PLCL2: variants seen among roughly 807,000 people sequenced by gnomAD.
The protein encoded by PLCL2 is phospholipase C like 2.
In PLCL2, 4 loss-of-function variants were observed where a neutral mutation model predicts 79.6. The observed-to-expected ratio is 0.05, with a 90% CI of 0.02 to 0.11. The LOEUF is 0.11. Among genes scored for constraint, PLCL2 ranks in the 10% least tolerant of loss-of-function variants. PLCL2 has a pLI of 1.00. For missense variants in PLCL2, 895 were observed against 1,291.0 expected (o/e 0.69, Z 4.70); for synonymous variants, 484 against 457.7 (o/e 1.06, Z -0.73).
intron 1 of PLCL2, among the ~76,000 whole-genome samples, chr3:16,963,298 C>T (rs533026355): frequency 2.4e-4 from 37 of 152,106 alleles, no homozygotes; most frequent in African/African-American, 8.7e-4. Flanking sequence ...TATACATACA[C>T]ACATATGTTA....
chr3:16,996,731 T>A (rs1308221857), intron 1 of PLCL2, among the ~76,000 whole-genome samples: 2 of 152,190 alleles, frequency 1.3e-5, no homozygotes, highest in Non-Finnish European at 2.9e-5. Flanking sequence ...AACAGATTTA[T>A]CTCCATGTGG....
At chr3:17,022,814 A>G (rs2124901380) in intron 3 of PLCL2, among the ~76,000 whole-genome samples, 1 of 152,336 alleles carries the variant, frequency 6.6e-6, no homozygotes, top group East Asian at 1.9e-4. Flanking sequence ...TCCCAGGTGA[A>G]AAAGAAAATG....
At chr3:17,062,904 G>T (rs924446032) in intron 4 of PLCL2, among the ~76,000 whole-genome samples, 1 of 151,990 alleles carries the variant, frequency 6.6e-6, no homozygotes, top group Admixed American at 6.5e-5. Context: ...AAGCAGCGGC[G>T]GCAGCAGCAA....
At chr3:16,946,950 A>ATTATTT (rs1368093455) in intron 1 of PLCL2, among the ~76,000 whole-genome samples, 5 of 77,000 alleles carry the variant, frequency 6.5e-5, no homozygotes, top group South Asian at 4.9e-4. Flanking sequence ...TTAAAGTTTC[A>ATTATTT]TTCTTTTTTT....
At chr3:16,971,641 A>G (rs1039659453) in intron 1 of PLCL2, among the ~76,000 whole-genome samples, 2 of 152,098 alleles carry the variant, frequency 1.3e-5, no homozygotes, top group African/African-American at 4.8e-5. Context: ...ACCTTGGGCG[A>G]TATGGCCATT....
chr3:16,896,405 T>C (rs1462128312), intron 1 of PLCL2, among the ~76,000 whole-genome samples: 1 of 152,184 alleles, frequency 6.6e-6, no homozygotes, highest in Non-Finnish European at 1.5e-5. Context: ...GGGTGGAAAG[T>C]TGACACATTA....
At chr3:16,888,960 T>A (rs2124913415) in intron 1 of PLCL2, among the ~76,000 whole-genome samples, 1 of 152,334 alleles carries the variant, frequency 6.6e-6, no homozygotes, top group African/African-American at 2.4e-5. Flanking sequence ...ACCACCATCA[T>A]GAAGATATAG....
chr3:16,898,946 C>T (rs1008252668), intron 1 of PLCL2, among the ~76,000 whole-genome samples: 4 of 149,338 alleles, frequency 2.7e-5, no homozygotes, highest in African/African-American at 9.8e-5. Flanking sequence ...GAGGGGGTTG[C>T]GGGGACCCAC....
chr3:16,894,186 T>A (rs917480506), intron 1 of PLCL2, among the ~76,000 whole-genome samples: 5 of 152,244 alleles, frequency 3.3e-5, no homozygotes, highest in African/African-American at 9.6e-5. Flanking sequence ...GTTATTTATA[T>A]GATTTAATGT....
intron 5 of PLCL2, among the ~76,000 whole-genome samples, chr3:17,080,317 A>G (rs2065149992): frequency 6.6e-6 from 1 of 152,182 alleles, no homozygotes; most frequent in Non-Finnish European, 1.5e-5. Context: ...TGACCAAGCT[A>G]GGAGGCCTTC....
intron 3 of PLCL2, among the ~76,000 whole-genome samples, chr3:17,036,606 A>G (rs1224034040): frequency 6.6e-6 from 1 of 152,186 alleles, no homozygotes; most frequent in African/African-American, 2.4e-5. Context: ...ACAAATTCCC[A>G]AGGGCATCTT....
chr3:17,038,246 T>TA (rs1257132689), intron 3 of PLCL2, among the ~76,000 whole-genome samples: 2 of 152,192 alleles, frequency 1.3e-5, no homozygotes, highest in Non-Finnish European at 2.9e-5. Flanking sequence ...AGGCCAGTGA[T>TA]ATAAAATCCA....
Position 16,913,913 on chromosome 3 carries a change from G to C in PLCL2, c.327+28547G>C, listed in dbSNP as rs191817514. On this transcript the variant is annotated intron_variant, in intron 1 of 5. Transcript: ENST00000615277. ...TTCAGATTATCGAAATACAGGGACT[G>C]TAGCATTAATGTAACACCCACTATA... Among the ~76,000 whole-genome samples the C allele has an allele frequency of 1.1e-3, 170 of 152,338 alleles. 1 individual carries two copies. Among genetic ancestry groups the C allele is most frequent in the African/African-American group, 3.4e-3 (142 of 41,576 alleles).
chr3:17,005,659 A>T (rs2064253827), intron 1 of PLCL2, among the ~76,000 whole-genome samples: 1 of 152,186 alleles, frequency 6.6e-6, no homozygotes, highest in Non-Finnish European at 1.5e-5. Context: ...CTTTATCTAA[A>T]ATCATTCCCG....
chr3:16,999,559 A>G (rs1285018216), intron 1 of PLCL2, among the ~76,000 whole-genome samples: 1 of 152,222 alleles, frequency 6.6e-6, no homozygotes, highest in Non-Finnish European at 1.5e-5. Flanking sequence ...TACCATAAAT[A>G]ACATTTGGGG....
intron 2 of PLCL2, 62 bp from the exon 3 acceptor site, chr3:17,014,646 A>G: frequency 4.8e-6 from 6 of 1,250,180 alleles, no homozygotes; most frequent in Non-Finnish European, 7.0e-6. Context: ...ATCAAATATA[A>G]TATCCATGAG....
At chr3:16,947,848 T>C (rs2063615840) in intron 1 of PLCL2, among the ~76,000 whole-genome samples, 1 of 152,202 alleles carries the variant, frequency 6.6e-6, no homozygotes, top group African/African-American at 2.4e-5. Flanking sequence ...AAATTTAGCA[T>C]TTAAGAGAGG....
intron 4 of PLCL2, among the ~76,000 whole-genome samples, chr3:17,046,054 G>A (rs2064777133): frequency 6.6e-6 from 1 of 152,096 alleles, no homozygotes; most frequent in Non-Finnish European, 1.5e-5. Flanking sequence ...GATCCTGCAG[G>A]GGTGATATGG....
At chr3:16,904,903 G>T (rs1050409176) in intron 1 of PLCL2, among the ~76,000 whole-genome samples, 1 of 152,102 alleles carries the variant, frequency 6.6e-6, no homozygotes, top group Non-Finnish European at 1.5e-5. Flanking sequence ...TGCCATGATT[G>T]TAAGTTTCCT....
Sources: allele counts gnomAD v4.1 joint callset (sites outside exome capture counted in the v4.1 genomes callset), GRCh38; gene constraint gnomAD v4.1.1; transcripts MANE v1.5; gene names NCBI Gene and HGNC (gene_info 2026-07-23, HGNC 2026-07-21).